Variants in LPA observed in about 807,000 individuals in gnomAD.
LPA encodes apolipoprotein(a).
LPA carries 199 observed loss-of-function variants against 197.9 expected under a neutral mutation model. That is an observed-to-expected ratio of 1.01 (90% CI 0.90 to 1.13). LPA has a LOEUF of 1.13. Ranked by LOEUF, LPA falls within the 50% of genes most tolerant of loss-of-function variation. The probability of loss-of-function intolerance (pLI) is 0.00; values close to 1 mark genes in which losing one functional copy is unlikely to be tolerated. For synonymous variants in LPA, 715 were observed against 639.5 expected (o/e 1.12, Z -1.78); for missense variants, 1,853 against 1,785.8 (o/e 1.04, Z -0.68).
At position 160,634,810 on chromosome 6, in the gene LPA, C is replaced by T. The variant is rs576472312; in HGVS notation, c.1075+313G>A. Reference sequence around the variant, plus strand: ...AAGCTTACTGCGACAGAAAGAATCACACACCTGACAGCACGTTACAATAAA... The same window carrying T: ...AAGCTTACTGCGACAGAAAGAATCATACACCTGACAGCACGTTACAATAAA... On this transcript the variant is annotated intron_variant, in intron 7 of 38. Transcript: ENST00000316300. 8.7e-4 allele frequency among the ~76,000 whole-genome samples: 131 copies of T among 150,422 alleles called. 18 individuals carry two copies. Among genetic ancestry groups the T allele is most frequent in the African/African-American group, 3.3e-3 (130 of 39,720 alleles).
chr6:160,647,242 G>T (rs1779907420), intron 2 of LPA, among the ~76,000 whole-genome samples: 1 of 152,322 alleles, frequency 6.6e-6, no homozygotes, highest in Admixed American at 6.5e-5. Context: ...GAAGAGGTCG[G>T]ACAGCTATGG....
In LPA at chr6:160,547,922, T is replaced by C. The variant is rs961064032; in HGVS notation, c.5171A>G (p.Asn1724Ser). 19 of 1,613,876 alleles carry C rather than the reference T, an allele frequency of 1.2e-5. No individual in the cohort carries two copies. Among genetic ancestry groups the C allele is most frequent in the Middle Eastern group, 1.6e-4 (1 of 6,084 alleles). The change falls in exon 32 of 39, where the codon AAT (asparagine) becomes AGT (serine). Residue 1724 changes from asparagine (N) to serine (S), a missense_variant. Transcript: ENST00000316300. Reference sequence around the variant, plus strand: ...CTTCTTGCCCCGGTATCCTTTCCCATTCCCAAACATACAGTCTGTAGAAAA... The same window carrying C: ...CTTCTTGCCCCGGTATCCTTTCCCACTCCCAAACATACAGTCTGTAGAAAA... Reference protein sequence around the residue: ...PPSEQDCMFGNGKGYRGKKAT... With the variant: ...PPSEQDCMFGSGKGYRGKKAT...
intron 28 of LPA, among the ~76,000 whole-genome samples, chr6:160,573,203 T>C (rs1778593546): frequency 6.6e-6 from 1 of 152,200 alleles, no homozygotes; most frequent in Non-Finnish European, 1.5e-5. Context: ...GAATTTATTT[T>C]TTCTACTTGT....
At chr6:160,651,304 T>G (rs1780001784) in intron 1 of LPA, among the ~76,000 whole-genome samples, 1 of 152,150 alleles carries the variant, frequency 6.6e-6, no homozygotes, top group African/African-American at 2.4e-5. Flanking sequence ...ATTATGTGTA[T>G]GAAGATATCC....
chr6:160,589,745 A>T (rs374791630), intron 23 of LPA, 33 bp from the exon 24 acceptor site: 2 of 1,612,858 alleles, frequency 1.2e-6, no homozygotes, highest in Non-Finnish European at 1.7e-6. Context: ...CAAACTGAGT[A>T]ATTTCCAGAA....
chr6:160,563,364 T>C (rs148767406), intron 28 of LPA, among the ~76,000 whole-genome samples: 1,678 of 152,322 alleles, frequency 0.011, 29 homozygotes, highest in African/African-American at 0.038. Flanking sequence ...AGTTTCCATA[T>C]AGTTGTGTGG....
intron 33 of LPA, among the ~76,000 whole-genome samples, chr6:160,544,383 A>C (rs1778030250): frequency 6.6e-6 from 1 of 152,136 alleles, no homozygotes; most frequent in African/African-American, 2.4e-5. Context: ...ACTCGAGAAA[A>C]AAGTCAGCTA....
chr6:160,586,387 A>G, intron 25 of LPA, 62 bp downstream of exon 25: 2 of 1,591,624 alleles, frequency 1.3e-6, no homozygotes, highest in Non-Finnish European at 1.7e-6. Context: ...CATCACAAAG[A>G]TTTTGCAAAT....
intron 28 of LPA, among the ~76,000 whole-genome samples, chr6:160,575,821 G>A (rs1373538924): frequency 6.6e-6 from 1 of 152,102 alleles, no homozygotes; most frequent in African/African-American, 2.4e-5. Context: ...CACTCCCTGT[G>A]CATATGCAGA....
chr6:160,553,881 G>A (rs1778205127), intron 30 of LPA, among the ~76,000 whole-genome samples: 1 of 149,436 alleles, frequency 6.7e-6, no homozygotes, highest in Admixed American at 6.6e-5. Context: ...ATATCCTTAA[G>A]GTTCTATTTA....
In LPA at chr6:160,531,549, T is replaced by C. The variant is rs1777806290; in HGVS notation, c.*180A>G. On this transcript the variant is annotated 3_prime_UTR_variant, in exon 39 of 39. Coordinates refer to ENST00000316300, the MANE Select transcript of LPA (RefSeq NM_005577.4). ...ATAGCTATGACACCTTAATACAGAA[T>C]TTGTCAGTCAGACCTTAAAAGCTTA... 5.7e-6 allele frequency: 4 copies of C among 699,280 alleles called. No homozygotes were observed. In the South Asian group the frequency reaches 7.1e-5, roughly 12 times the overall value. The allele number at this position is 699,280 out of a possible 1,614,324, so 43.3% of individuals were successfully genotyped here.
intron 2 of LPA, among the ~76,000 whole-genome samples, chr6:160,648,849 A>G (rs749339843): frequency 6.6e-6 from 1 of 152,074 alleles, no homozygotes; most frequent in Non-Finnish European, 1.5e-5. Flanking sequence ...TTATATAGTG[A>G]TATGTCAAAT....
At chr6:160,534,935 A>ATGATGG (rs1356707853) in intron 37 of LPA, among the ~76,000 whole-genome samples, 1 of 148,800 alleles carries the variant, frequency 6.7e-6, no homozygotes, top group Admixed American at 6.7e-5. Flanking sequence ...GATGGTGTTA[A>ATGATGG]TGATGGTGAT....
intron 32 of LPA, 97 bp from the exon 33 acceptor site, chr6:160,545,630 CA>C: frequency 2.5e-6 from 2 of 784,514 alleles, no homozygotes; most frequent in East Asian, 2.4e-5. Context: ...TCTTAGAAGA[CA>C]AAAGGGAGCG....
chr6:160,647,264 A>G (rs751992918), intron 2 of LPA, among the ~76,000 whole-genome samples: 1 of 152,186 alleles, frequency 6.6e-6, no homozygotes, highest in Non-Finnish European at 1.5e-5. Flanking sequence ...GGAGCAAAAA[A>G]CAATGAATTA....
At chr6:160,542,001 A>C (rs755901752) in intron 34 of LPA, among the ~76,000 whole-genome samples, 6 of 152,240 alleles carry the variant, frequency 3.9e-5, no homozygotes, top group Non-Finnish European at 7.3e-5. Context: ...AATTGAGCAC[A>C]GGTGCCCTGG....
Position 160,586,547 on chromosome 6 carries a change from T to C in LPA, c.4031A>G (p.Glu1344Gly), listed in dbSNP as rs765927630. Residue 1344 changes from glutamate to glycine, a missense_variant, in exon 25 of 39, where the codon GAG becomes GGG. By Grantham distance (98) the Glu-to-Gly change is moderately conservative. This residue lies in a region of LPA where 1,737 missense variants were observed against 1,504.4 expected (regional missense o/e 1.15). Coordinates refer to ENST00000316300, the MANE Select transcript of LPA (RefSeq NM_005577.4). Reference sequence around the variant, plus strand: ...TGGACATTGCGTCAGGTTGCAGTACTCCCATCTGACACTGGGATCCATGGT... The same window carrying C: ...TGGACATTGCGTCAGGTTGCAGTACCCCCATCTGACACTGGGATCCATGGT... ...CYTMDPSVRW[E>G]YCNLTQCPVM... 4 of 1,613,666 alleles carry C rather than the reference T, an allele frequency of 2.5e-6. No homozygotes were observed. The highest frequency in any genetic ancestry group is 3.4e-6 in the Non-Finnish European group (4 of 1,179,802).
rs1363798221 is a variant in LPA, at chr6:160,635,549, T to C, written c.894-245A>G. Among the ~76,000 whole-genome samples the C allele has an allele frequency of 1.6e-5, 2 of 122,648 alleles. 1 individual carries two copies. Among genetic ancestry groups the C allele is most frequent in the Non-Finnish European group, 3.5e-5 (2 of 57,588 alleles). 80.5% of individuals were successfully genotyped at this position (122,648 alleles called of 152,430 possible). On this transcript the variant is annotated intron_variant, in intron 6 of 38. Transcript: ENST00000316300. ...AAAATCTAAAGTAGCAAACGCTTCT[T>C]AGAAACACTGAGATAACACACACAC...
At chr6:160,647,270 A>T (rs971482943) in intron 2 of LPA, among the ~76,000 whole-genome samples, 6 of 152,116 alleles carry the variant, frequency 3.9e-5, no homozygotes, top group African/African-American at 9.7e-5. Context: ...AAAAACAATG[A>T]ATTAGGAGGC....
Sources: allele counts gnomAD v4.1 joint callset (sites outside exome capture counted in the v4.1 genomes callset), GRCh38; gene constraint gnomAD v4.1.1; regional missense constraint gnomAD v4.1.1; transcripts MANE v1.5; gene names NCBI Gene and HGNC (gene_info 2026-07-23, HGNC 2026-07-21).